LYRM7: variants seen among roughly 807,000 people sequenced by gnomAD.
LYRM7 encodes complex III assembly factor LYRM7.
A neutral mutation model predicts 15.8 loss-of-function variants in LYRM7; 9 were observed. The ratio of observed to expected loss-of-function variants is 0.57; its 90% CI spans 0.34 to 0.99. The LOEUF (loss-of-function observed/expected upper bound fraction) is 0.99, where lower values mean the gene tolerates loss of function less well. Among genes scored for constraint, LYRM7 ranks in the 50% least tolerant of loss-of-function variants. The probability of loss-of-function intolerance (pLI) is 0.02; values close to 1 mark genes in which losing one functional copy is unlikely to be tolerated. For synonymous variants in LYRM7, 39 were observed against 39.4 expected (o/e 0.99, Z 0.04); for missense variants, 115 against 119.1 (o/e 0.97, Z 0.16).
At chr5:131,195,773 A>C (rs554046078) in intron 4 of LYRM7, among the ~76,000 whole-genome samples, 1 of 152,292 alleles carries the variant, frequency 6.6e-6, no homozygotes, top group South Asian at 2.1e-4. Flanking sequence ...TGTATTGCCA[A>C]GAAACTCCAG....
intron 4 of LYRM7, among the ~76,000 whole-genome samples, chr5:131,191,514 G>A (rs543576387): frequency 4.8e-4 from 73 of 151,970 alleles, no homozygotes; most frequent in Middle Eastern, 6.8e-3. Context: ...TATCTACAGT[G>A]GAAATTAAAT....
intron 3 of LYRM7, among the ~76,000 whole-genome samples, chr5:131,183,376 A>G (rs1179407655): frequency 6.6e-6 from 1 of 152,224 alleles, no homozygotes; most frequent in African/African-American, 2.4e-5. Context: ...GTTAAAAGGT[A>G]TATGAGGAAG....
intron 1 of LYRM7, among the ~76,000 whole-genome samples, chr5:131,175,754 T>G (rs113663683): frequency 8.0e-6 from 1 of 124,702 alleles, no homozygotes; most frequent in African/African-American, 4.6e-5. Context: ...AGGCTGGTTT[T>G]GTTTTGTTTT....
At chr5:131,172,711 G>A (rs944467843) in intron 1 of LYRM7, among the ~76,000 whole-genome samples, 6 of 152,118 alleles carry the variant, frequency 3.9e-5, no homozygotes, top group African/African-American at 1.2e-4. Flanking sequence ...AAAAAAAATA[G>A]GAAAGTGAAA....
At chr5:131,176,958 C>T (rs538129995) in intron 1 of LYRM7, among the ~76,000 whole-genome samples, 2 of 152,132 alleles carry the variant, frequency 1.3e-5, no homozygotes, top group Middle Eastern at 3.2e-3. Flanking sequence ...ATAAAGCAAA[C>T]AGCTGCCCTC....
chr5:131,198,947 G>GA (rs1354032068), intron 4 of LYRM7, among the ~76,000 whole-genome samples: 1 of 152,122 alleles, frequency 6.6e-6, no homozygotes, highest in African/African-American at 2.4e-5. Context: ...TTTTGTTGTT[G>GA]TTTTATGATA....
rs1351814380 is a variant in LYRM7 at position 131,204,591 on chromosome 5, C to T, written c.*4990C>T. Reference sequence around the variant, plus strand: ...CTGACCCACCAACATGACTGATGCTCAAAGGAAATGGCCACTGGAAGATTT... The same window carrying T: ...CTGACCCACCAACATGACTGATGCTTAAAGGAAATGGCCACTGGAAGATTT... On this transcript the variant is annotated 3_prime_UTR_variant, in exon 5 of 5. Coordinates refer to ENST00000379380, the MANE Select transcript of LYRM7 (RefSeq NM_181705.4). 2.7e-5 allele frequency: 4 copies of T among 147,828 alleles called. No individual in the cohort carries two copies. The South Asian group carries it at 6.4e-4, about 24-fold the overall frequency. The allele number at this position is 147,828 out of a possible 1,614,324, so 9.2% of individuals were successfully genotyped here.
At position 131,182,310 on chromosome 5, in the gene LYRM7, T is replaced by TG. The variant is rs767976577; in HGVS notation, c.162+11_162+12insG. ...AAGAAAATAGAAGAGGTACAGTAAT[T>TG]TTTTCAATTATAGTAAAACTTATAC... On this transcript the variant is annotated intron_variant, in intron 3 of 4. Transcript: ENST00000379380. The TG allele has an allele frequency of 1.4e-6, 2 of 1,380,220 alleles. No homozygotes were observed. The highest frequency in any genetic ancestry group is 2.6e-5 in the South Asian group (2 of 75,642). The allele number at this position is 1,380,220 out of a possible 1,614,324, so 85.5% of individuals were successfully genotyped here. A position where few individuals can be genotyped will look rare whatever the true frequency, so the allele number is the denominator to read the frequency against.
intron 1 of LYRM7, among the ~76,000 whole-genome samples, chr5:131,175,197 C>CTCT (rs1028125612): frequency 1.6e-5 from 2 of 125,628 alleles, no homozygotes; most frequent in African/African-American, 6.5e-5. Flanking sequence ...GCTTCAATCT[C>CTCT]TTTTTTTTTT....
chr5:131,178,313 C>T (rs1021950693), intron 1 of LYRM7, among the ~76,000 whole-genome samples: 13 of 152,024 alleles, frequency 8.6e-5, no homozygotes, highest in African/African-American at 1.2e-4. Flanking sequence ...TGGGGAGTGC[C>T]TGAACATAAG....
At position 131,201,763 on chromosome 5, in the gene LYRM7, TGTC is replaced by T. The variant is rs1756071637; in HGVS notation, c.*2163_*2165del. The T allele has an allele frequency of 6.6e-6, 1 of 152,204 alleles. No individual in the cohort carries two copies. The highest frequency in any genetic ancestry group is 6.5e-5 in the Admixed American group (1 of 15,268). 9.4% of individuals were successfully genotyped at this position (152,204 alleles called of 1,614,324 possible). A position where few individuals can be genotyped will look rare whatever the true frequency, so the allele number is the denominator to read the frequency against. On this transcript the variant is annotated 3_prime_UTR_variant, in exon 5 of 5. Coordinates refer to ENST00000379380, the MANE Select transcript of LYRM7 (RefSeq NM_181705.4). ...AAAGTTCCTGTGAAGTATATAAACA[TGTC>T]AACAACAGGCTTGACTGTCACAAAA...
intron 4 of LYRM7, among the ~76,000 whole-genome samples, chr5:131,195,872 C>G (rs1054012911): frequency 1.3e-5 from 2 of 152,056 alleles, no homozygotes; most frequent in African/African-American, 4.8e-5. Flanking sequence ...CTTTTAAAGC[C>G]CCAAAGAAGG....
In LYRM7 at chr5:131,203,222, A is replaced by G. The variant is rs1463136519; in HGVS notation, c.*3621A>G. 1 of 152,376 alleles carries G rather than the reference A, an allele frequency of 6.6e-6. No individual in the cohort carries two copies. The highest frequency in any genetic ancestry group is 2.4e-5 in the African/African-American group (1 of 41,466). 9.4% of individuals were successfully genotyped at this position (152,376 alleles called of 1,614,324 possible). On this transcript the variant is annotated 3_prime_UTR_variant, in exon 5 of 5. Coordinates refer to ENST00000379380, the MANE Select transcript of LYRM7 (RefSeq NM_181705.4). ...AATTAATATAGTTTTACTGTATATC[A>G]GTTGTCACCAATCAGAAATGGAAAA...
At chr5:131,180,229 G>T in intron 2 of LYRM7, 62 bp downstream of exon 2, 1 of 1,178,012 alleles carries the variant, frequency 8.5e-7, no homozygotes, top group South Asian at 1.3e-5. Context: ...TAATCTCTCT[G>T]AGAAACCCTG....
chr5:131,180,784 G>A (rs1194027810), intron 2 of LYRM7, among the ~76,000 whole-genome samples: 1 of 152,086 alleles, frequency 6.6e-6, no homozygotes. Context: ...TATATGTATT[G>A]TATTATATGT....
At chr5:131,182,858 C>T (rs566364741) in intron 3 of LYRM7, among the ~76,000 whole-genome samples, 1 of 152,168 alleles carries the variant, frequency 6.6e-6, no homozygotes, top group South Asian at 2.1e-4. Context: ...TTTTTCTTTT[C>T]CTATATATTA....
chr5:131,197,248 G>T (rs978278426), intron 4 of LYRM7, among the ~76,000 whole-genome samples: 1 of 152,132 alleles, frequency 6.6e-6, no homozygotes, highest in East Asian at 1.9e-4. Flanking sequence ...GTAATGTCTA[G>T]CATGAAATAG....
At chr5:131,171,101 G>A in intron 1 of LYRM7, 63 bp downstream of exon 1, 1 of 1,451,608 alleles carries the variant, frequency 6.9e-7, no homozygotes, top group Non-Finnish European at 9.1e-7. Context: ...GCGTCCTTGA[G>A]AAAACTGTCT....
In LYRM7 at chr5:131,188,833, C is replaced by A. The variant is rs1411710809; in HGVS notation, c.244+1724C>A. 4.6e-5 allele frequency among the ~76,000 whole-genome samples: 7 copies of A among 152,290 alleles called. No individual in the cohort carries two copies. In the East Asian group the frequency reaches 7.7e-4, roughly 17 times the overall value. ...GCTCAAGCAAGATCGTGAAGAGATT[C>A]TCCTGTGCTTTCTTCCAAAAGCTTT... On this transcript the variant is annotated intron_variant, in intron 4 of 4. Transcript: ENST00000379380.
Sources: gnomAD v4.1 joint callset for allele counts (sites outside exome capture counted in the v4.1 genomes callset) on GRCh38, gnomAD v4.1.1 for gene constraint, MANE v1.5 for transcripts, NCBI Gene and HGNC (gene_info 2026-07-23, HGNC 2026-07-21) for gene names.